The following IWS1 variants were observed in gnomAD, a reference collection of about 807,000 sequenced individuals.
IWS1 encodes the protein interacts with SUPT6H, CTD assembly factor 1.
Under a neutral mutation model 86.7 loss-of-function variants are expected in IWS1, and 27 were observed. The ratio of observed to expected loss-of-function variants is 0.31; its 90% CI spans 0.23 to 0.43. The LOEUF (loss-of-function observed/expected upper bound fraction) is 0.43, where lower values mean the gene tolerates loss of function less well. Among genes scored for constraint, IWS1 ranks in the 20% least tolerant of loss-of-function variants. IWS1 has a pLI of 1.00. For missense variants in IWS1, 827 were observed against 1,000.8 expected (o/e 0.83, Z 2.34); for synonymous variants, 313 against 335.1 (o/e 0.93, Z 0.72).
At chr2:127,510,885 C>A (rs1259329391) in intron 2 of IWS1, among the ~76,000 whole-genome samples, 2 of 152,174 alleles carry the variant, frequency 1.3e-5, no homozygotes, top group Non-Finnish European at 2.9e-5. Context: ...ACTTGGGGAA[C>A]TTTGGAGAAA....
At chr2:127,519,369 T>G (rs1394647504) in intron 2 of IWS1, among the ~76,000 whole-genome samples, 1 of 142,242 alleles carries the variant, frequency 7.0e-6, no homozygotes, top group Non-Finnish European at 1.5e-5. Flanking sequence ...GTTTTTTTTT[T>G]AATAACTAAA....
At chr2:127,496,352 C>A (rs1690511942) in intron 6 of IWS1, among the ~76,000 whole-genome samples, 1 of 152,010 alleles carries the variant, frequency 6.6e-6, no homozygotes. Context: ...ATCCAGTAAG[C>A]TAAGGTTAAC....
intron 8 of IWS1, 97 bp from the exon 9 acceptor site, chr2:127,493,507 T>G: frequency 9.0e-7 from 1 of 1,115,226 alleles, no homozygotes; most frequent in Non-Finnish European, 1.2e-6. Flanking sequence ...AAAAACTGCT[T>G]TTAAAGCGTT....
intron 2 of IWS1, among the ~76,000 whole-genome samples, chr2:127,507,206 C>T (rs771112769): frequency 4.6e-5 from 7 of 152,088 alleles, no homozygotes; most frequent in Non-Finnish European, 7.4e-5. Flanking sequence ...TGAAAATGTT[C>T]TCATAAAACC....
chr2:127,520,044 C>T (rs1434970892), intron 2 of IWS1, among the ~76,000 whole-genome samples: 3 of 152,170 alleles, frequency 2.0e-5, no homozygotes, highest in Non-Finnish European at 4.4e-5. Flanking sequence ...ACTTGACCTC[C>T]AGAATTATAA....
chr2:127,492,449 G>A (rs1346506103), intron 9 of IWS1, among the ~76,000 whole-genome samples: 1 of 152,136 alleles, frequency 6.6e-6, no homozygotes, highest in Non-Finnish European at 1.5e-5. Flanking sequence ...GGGAGGCTGA[G>A]GCAGGAGAAT....
At chr2:127,495,939 G>A in intron 7 of IWS1, 59 bp downstream of exon 7, 1 of 1,446,246 alleles carries the variant, frequency 6.9e-7, no homozygotes, top group South Asian at 1.4e-5. Flanking sequence ...TCAAAAAAAG[G>A]GCATCCAATA....
intron 12 of IWS1, among the ~76,000 whole-genome samples, chr2:127,487,708 G>A (rs1294039795): frequency 2.0e-5 from 3 of 152,016 alleles, no homozygotes; most frequent in Admixed American, 1.3e-4. Flanking sequence ...CCGCCACCAC[G>A]TCCAGCTAAT....
intron 13 of IWS1, chr2:127,485,972 TG>T: frequency 6.5e-6 from 1 of 154,106 alleles, no homozygotes; most frequent in East Asian, 1.9e-4. Flanking sequence ...GAGTCGTTTC[TG>T]TTCTGCAAAT....
intron 2 of IWS1, among the ~76,000 whole-genome samples, chr2:127,508,839 G>T (rs1691286110): frequency 6.6e-6 from 1 of 152,168 alleles, no homozygotes; most frequent in African/African-American, 2.4e-5. Context: ...GTTACAGCTG[G>T]ATCGGGGCAC....
chr2:127,509,265 CA>C (rs1197447504), intron 2 of IWS1, among the ~76,000 whole-genome samples: 2 of 151,964 alleles, frequency 1.3e-5, no homozygotes, highest in Non-Finnish European at 2.9e-5. Flanking sequence ...AAAAAAAATC[CA>C]AAAGACAGTT....
chr2:127,496,002 G>C lies in IWS1; in HGVS notation c.1712C>G (p.Ala571Gly). Residue 571 changes from alanine to glycine, a missense_variant, in exon 7 of 14, where the codon GCT (alanine) becomes GGT (glycine). This residue lies in a region of IWS1 where 279 missense variants were observed against 440.6 expected (regional missense o/e 0.63). Transcript: ENST00000295321. ...CCTAGAAGCGACCCAGCTCACCTCA[G>C]CAGCTTCATTCATCTTGACGATCAT... Reference protein sequence around the residue: ...SAMIVKMNEAAEEDRQLNNQK... With the variant: ...SAMIVKMNEAGEEDRQLNNQK... 6.2e-7 allele frequency: 1 copy of C among 1,611,354 alleles called. No homozygotes were observed. The highest frequency in any genetic ancestry group is 8.5e-7 in the Non-Finnish European group (1 of 1,178,980).
chr2:127,502,284 A>G (rs1384598997), intron 5 of IWS1, among the ~76,000 whole-genome samples: 2 of 152,126 alleles, frequency 1.3e-5, no homozygotes, highest in African/African-American at 4.8e-5. Flanking sequence ...CGAACTCTAA[A>G]TTTTGTCCCC....
intron 6 of IWS1, among the ~76,000 whole-genome samples, chr2:127,496,584 C>CACACACACAA (rs1553434114): frequency 6.7e-6 from 1 of 150,062 alleles, no homozygotes; most frequent in Non-Finnish European, 1.5e-5. Flanking sequence ...CACACACACA[C>CACACACACAA]ATTTTTTAAA....
At chr2:127,498,115 A>G in intron 6 of IWS1, 25 bp downstream of exon 6, 1 of 1,531,770 alleles carries the variant, frequency 6.5e-7, no homozygotes, top group Non-Finnish European at 9.0e-7. Context: ...CTTCTCTTTA[A>G]CAAATTCCTT....
rs956471600 is a variant in IWS1, at chr2:127,499,294, G to A, written c.1468-1057C>T. On this transcript the variant is annotated intron_variant, in intron 5 of 13. Transcript: ENST00000295321. The surrounding 1 kb of genome is among the most constrained non-coding windows in gnomAD (Gnocchi z 4.0). ...TTTAGTAGAGATGGGGTTTCACCAC[G>A]TTAGCCAGGATGGTCTCGATCTCCT... 4.6e-5 allele frequency among the ~76,000 whole-genome samples: 7 copies of A among 152,038 alleles called. No homozygotes were observed. The highest frequency in any genetic ancestry group is 1.4e-4 in the African/African-American group (6 of 41,412).
At chr2:127,492,231 A>AT in intron 9 of IWS1, 143 bp from the exon 10 acceptor site, 2 of 615,162 alleles carry the variant, frequency 3.3e-6, no homozygotes, top group Non-Finnish European at 5.8e-6. Flanking sequence ...ACACAAAGAT[A>AT]CTTTGTGTCC....
At chr2:127,483,632 G>A (rs113518531) in intron 13 of IWS1, among the ~76,000 whole-genome samples, 4 of 45,356 alleles carry the variant, frequency 8.8e-5, no homozygotes, top group African/African-American at 3.3e-4. Context: ...GTGCGTGTGC[G>A]TGTGTGTGTG....
intron 10 of IWS1, among the ~76,000 whole-genome samples, chr2:127,490,367 T>C (rs1358292098): frequency 2.0e-5 from 3 of 152,234 alleles, no homozygotes; most frequent in Non-Finnish European, 4.4e-5. Flanking sequence ...TACAACTACC[T>C]TACAAAATGG....
Sources: allele counts gnomAD v4.1 joint callset (sites outside exome capture counted in the v4.1 genomes callset), GRCh38; gene constraint gnomAD v4.1.1; regional missense constraint gnomAD v4.1.1; non-coding constraint Gnocchi (gnomAD v3.1); transcripts MANE v1.5; gene names NCBI Gene and HGNC (gene_info 2026-07-23, HGNC 2026-07-21).